The following IL4I1 variants were observed in gnomAD, a reference collection of about 807,000 sequenced individuals.
The protein encoded by IL4I1 is L-amino-acid oxidase.
In IL4I1, 24 loss-of-function variants were observed where a neutral mutation model predicts 29.7. The ratio of observed to expected loss-of-function variants is 0.81; its 90% CI spans 0.59 to 1.14. IL4I1 has a LOEUF of 1.14. Among genes scored for constraint, IL4I1 ranks in the 50% most tolerant of loss-of-function variants. IL4I1 has a pLI of 0.00. For missense variants in IL4I1, 686 were observed against 785.6 expected (o/e 0.87, Z 1.52); for synonymous variants, 371 against 352.5 (o/e 1.05, Z -0.59).
intron 2 of IL4I1, chr19:49,913,249 G>C (rs1051309268): frequency 2.0e-5 from 3 of 152,356 alleles, no homozygotes; most frequent in Non-Finnish European, 4.4e-5. Flanking sequence ...TATGTGTGAA[G>C]GAGTGACTTG....
Position 49,890,585 on chromosome 19 carries a change from C to T in IL4I1, c.789G>A (p.Val263=). Reference sequence around the variant, plus strand: ...CGCGCGGCAGCAGGTCCCAGCCACCCACGATGCGGCTGTACCTGCAGGCGG... The same window carrying T: ...CGCGCGGCAGCAGGTCCCAGCCACCTACGATGCGGCTGTACCTGCAGGCGG... ...LSDRLQYSRI[V]GGWDLLPRAL... is the part of the protein sequence containing the mutation. Residue 263 remains valine (V), a synonymous_variant, in exon 8 of 8, where the codon GTG becomes GTA. Transcript: ENST00000391826. The T allele has an allele frequency of 6.4e-7, 1 of 1,569,236 alleles. No individual in the cohort carries two copies. The highest frequency in any genetic ancestry group is 1.1e-5 in the South Asian group (1 of 87,510).
intron 3 of IL4I1, among the ~76,000 whole-genome samples, chr19:49,902,294 C>A (rs989594572): frequency 1.3e-4 from 20 of 152,180 alleles, no homozygotes; most frequent in African/African-American, 4.8e-4. Context: ...AGCCACTGCA[C>A]CTGACCATGT....
chr19:49,889,773 G>C lies in IL4I1; in HGVS notation c.1601C>G (p.Ala534Gly). 1 of 1,526,464 alleles carries C rather than the reference G, an allele frequency of 6.6e-7. No individual in the cohort carries two copies. The highest frequency in any genetic ancestry group is 2.2e-5 in the Admixed American group (1 of 45,750). The allele number at this position is 1,526,464 out of a possible 1,614,324, so 94.6% of individuals were successfully genotyped here. The stretch of plus-strand genomic sequence containing the variant: ...TGCCAGGTCATGCGAGGGGCTGCTG[G>C]CCACCCCATGCACATGCCCCTGCCC... Reference protein sequence around the residue: ...MEGQGHVHGVASSPSHDLAKE... With the variant: ...MEGQGHVHGVGSSPSHDLAKE... The change falls in exon 8 of 8, where the codon GCC becomes GGC. Residue 534 changes from alanine to glycine, a missense_variant. Ala to Gly is a moderately conservative substitution (Grantham distance 60, BLOSUM62 0). Transcript: ENST00000391826.
intron 1 of IL4I1, chr19:49,928,587 G>A (rs1395717586): frequency 1.3e-5 from 2 of 151,850 alleles, no homozygotes; most frequent in Non-Finnish European, 2.9e-5. Flanking sequence ...GCCAGACATC[G>A]TCTTATTTGA....
At chr19:49,895,698 TC>T in intron 3 of IL4I1, 116 bp downstream of exon 3, 2 of 705,418 alleles carry the variant, frequency 2.8e-6, no homozygotes. Context: ...AGATAGCCTC[TC>T]CCCCCACATC....
At chr19:49,901,901 G>A in intron 3 of IL4I1, 1 of 433,278 alleles carries the variant, frequency 2.3e-6, no homozygotes. Context: ...GTGAGCAGGG[G>A]ATAAACCCAG....
rs1175321256 is a variant in IL4I1 at position 49,925,352 on chromosome 19, G to A, written c.-228+2342C>T. Among the ~76,000 whole-genome samples, 3 of 151,622 alleles carry A rather than the reference G, an allele frequency of 2.0e-5. No homozygotes were observed. The South Asian group carries it at 6.2e-4, about 32-fold the overall frequency. On this transcript the variant is annotated intron_variant, in intron 2 of 9. Coordinates refer to the IL4I1 transcript ENST00000341114. Reference sequence around the variant, plus strand: ...CTTGTAATCCTAACACTTTGGGAGGGTGAGGCAGGAGGATCGTTTGAGCCC... The same window carrying A: ...CTTGTAATCCTAACACTTTGGGAGGATGAGGCAGGAGGATCGTTTGAGCCC...
At chr19:49,909,128 G>A (rs1162086212) in intron 2 of IL4I1, 1 of 1,612,510 alleles carries the variant, frequency 6.2e-7, no homozygotes, top group Non-Finnish European at 8.5e-7. Flanking sequence ...GGTTGGAGCA[G>A]TTGCTATTGA....
At chr19:49,920,707 A>C (rs776442479) in intron 2 of IL4I1, among the ~76,000 whole-genome samples, 2 of 152,194 alleles carry the variant, frequency 1.3e-5, no homozygotes, top group Admixed American at 6.5e-5. Context: ...GCTGGTTGAG[A>C]ACAGGCTGGG....
chr19:49,914,192 G>C (rs56131457), intron 2 of IL4I1, among the ~76,000 whole-genome samples: 1 of 152,202 alleles, frequency 6.6e-6, no homozygotes, highest in African/African-American at 2.4e-5. Flanking sequence ...TAGAACTTGG[G>C]AAGTTTCTCA....
rs565130671 is a variant in IL4I1 at position 49,918,005 on chromosome 19, AAAAC to A, written c.-228+9685_-228+9688del. ...TGGGTGACAGAGCGAGACTCTGTCTAAAACAAACAGACACACAAAACAAACAAAC... is the reference window on the plus strand; with the variant it reads ...TGGGTGACAGAGCGAGACTCTGTCTAAAACAGACACACAAAACAAACAAAC... On this transcript the variant is annotated intron_variant, in intron 2 of 9. Transcript: ENST00000341114. 7.4e-4 allele frequency among the ~76,000 whole-genome samples: 112 copies of A among 151,708 alleles called. 1 individual carries two copies. The East Asian group carries it at 0.019, about 26-fold the overall frequency.
intron 2 of IL4I1, among the ~76,000 whole-genome samples, chr19:49,911,640 G>A (rs1454264165): frequency 6.6e-6 from 1 of 152,142 alleles, no homozygotes; most frequent in Non-Finnish European, 1.5e-5. Flanking sequence ...AAGCAAGCCT[G>A]GGGAGATGAC....
intron 2 of IL4I1, among the ~76,000 whole-genome samples, chr19:49,920,820 G>A (rs1026470778): frequency 2.0e-5 from 3 of 152,196 alleles, no homozygotes; most frequent in Non-Finnish European, 2.9e-5. Flanking sequence ...TGAGAGCAGC[G>A]GACAGGCGTG....
At position 49,892,069 on chromosome 19, in the gene IL4I1, C is replaced by A. The variant is rs572305601; in HGVS notation, c.568-596G>T. Among the ~76,000 whole-genome samples, 14 of 151,382 alleles carry A rather than the reference C, an allele frequency of 9.2e-5. No individual in the cohort carries two copies. The East Asian group carries it at 2.7e-3, about 29-fold the overall frequency. ...TCATGTTCAAGGCCCCTGCTAGCCCCTCAATGTCTTTTTTTTTTTTTTTTT... is the reference window on the plus strand; with the variant it reads ...TCATGTTCAAGGCCCCTGCTAGCCCATCAATGTCTTTTTTTTTTTTTTTTT... On this transcript the variant is annotated intron_variant, in intron 5 of 7. Transcript: ENST00000391826.
intron 2 of IL4I1, among the ~76,000 whole-genome samples, chr19:49,918,011 A>G (rs1301047051): frequency 6.6e-6 from 1 of 151,306 alleles, no homozygotes; most frequent in African/African-American, 2.4e-5. Context: ...GTCTAAAACA[A>G]ACAGACACAC....
At chr19:49,899,199 A>G (rs149734618), upstream of IL4I1, among the ~76,000 whole-genome samples, 1 of 152,348 alleles carries the variant, frequency 6.6e-6, no homozygotes, top group East Asian at 1.9e-4. Flanking sequence ...AACAGTGGAA[A>G]CAACCATGGA....
chr19:49,889,916 C>T lies in IL4I1; in HGVS notation c.1458G>A (p.Pro486=). 6.2e-7 allele frequency: 1 copy of T among 1,608,532 alleles called. No individual in the cohort carries two copies. The highest frequency in any genetic ancestry group is 1.7e-5 in the Admixed American group (1 of 59,410). The change falls in exon 8 of 8, where the codon CCG becomes CCA. Residue 486 remains proline (P), a synonymous_variant. Coordinates refer to ENST00000391826, the MANE Select transcript of IL4I1 (RefSeq NM_152899.2). The part of the protein sequence containing the change: ...IYFAGEHTAY[P]HGWVETAVKS... ...TGACCGCCGTCTCCACCCAGCCGTG[C>T]GGGTAGGCGGTGTGCTCGCCGGCAA...
chr19:49,917,288 G>A (rs1402433180), intron 2 of IL4I1, among the ~76,000 whole-genome samples: 1 of 152,208 alleles, frequency 6.6e-6, no homozygotes, highest in Non-Finnish European at 1.5e-5. Flanking sequence ...GGGAACCTCT[G>A]GCCAGGACCA....
chr19:49,894,842 G>A (rs1308819963), intron 4 of IL4I1, among the ~76,000 whole-genome samples: 5 of 151,996 alleles, frequency 3.3e-5, no homozygotes, highest in Non-Finnish European at 7.4e-5. Context: ...GCTGGCTTTT[G>A]CACCAGGCAG....
Sources: allele counts gnomAD v4.1 joint callset (sites outside exome capture counted in the v4.1 genomes callset), GRCh38; gene constraint gnomAD v4.1.1; transcripts MANE v1.5; gene names NCBI Gene and HGNC (gene_info 2026-07-23, HGNC 2026-07-21).